The following PLEKHM2 variants were observed in gnomAD, a reference collection of about 807,000 sequenced individuals.
The protein encoded by PLEKHM2 is pleckstrin homology and RUN domain containing M2.
A neutral mutation model predicts 116.3 loss-of-function variants in PLEKHM2; 77 were observed. The observed-to-expected ratio is 0.66, with a 90% CI of 0.55 to 0.80. The LOEUF (loss-of-function observed/expected upper bound fraction) is 0.80. Ranked by LOEUF, PLEKHM2 falls within the 30% of genes least tolerant of loss-of-function variation. PLEKHM2 has a pLI of 0.00. For missense variants in PLEKHM2, 1,183 were observed against 1,354.9 expected (o/e 0.87, Z 1.99); for synonymous variants, 562 against 571.0 (o/e 0.98, Z 0.22).
At chr1:15,724,938 G>T (rs1240221164) in intron 7 of PLEKHM2, among the ~76,000 whole-genome samples, 3 of 152,096 alleles carry the variant, frequency 2.0e-5, no homozygotes, top group Non-Finnish European at 4.4e-5. Flanking sequence ...AACCTAAGAG[G>T]CGTGCAGCCT....
chr1:15,721,385 GA>G lies in PLEKHM2; in HGVS notation c.711del (p.Asp238MetfsTer18). ...GCCGTCTGTACCCAGCACAGACTGGGAAGGTGGGCCAGAGTCCGCTGTTACC... is the reference window on the plus strand; with the variant it reads ...GCCGTCTGTACCCAGCACAGACTGGGAGGTGGGCCAGAGTCCGCTGTTACC... ...AVPSVPSTDWEDGDLTDTVSG... is the reference protein window; with the variant it reads ...AVPSVPSTDWXDGDLTDTVSG... On this transcript the variant is annotated frameshift_variant and splice_region_variant, in exon 7 of 20. Coordinates refer to ENST00000375799, the MANE Select transcript of PLEKHM2 (RefSeq NM_015164.4). LOFTEE classifies it high-confidence loss of function. This position sits in a 1 kb window ranked among gnomAD's most constrained non-coding sequence, Gnocchi z 5.1. 6.4e-7 allele frequency: 1 copy of G among 1,563,338 alleles called. No homozygotes were observed.
intron 1 of PLEKHM2, among the ~76,000 whole-genome samples, chr1:15,706,339 T>TC (rs538749907): frequency 1.3e-5 from 2 of 152,032 alleles, no homozygotes; most frequent in African/African-American, 4.8e-5. Context: ...CGGAATACTT[T>TC]CCCCCCGGAT....
chr1:15,690,045 C>T (rs990675745), intron 1 of PLEKHM2, among the ~76,000 whole-genome samples: 11 of 150,778 alleles, frequency 7.3e-5, no homozygotes, highest in Non-Finnish European at 1.0e-4. Flanking sequence ...TGTGAGCCAC[C>T]GCACCCAGCC....
At chr1:15,731,337 G>A (rs2068140715) in intron 16 of PLEKHM2, 80 bp downstream of exon 16, 2 of 1,127,996 alleles carry the variant, frequency 1.8e-6, no homozygotes, top group South Asian at 2.6e-5. Flanking sequence ...GCCCCTGTTG[G>A]CAGTTCAGCC....
intron 3 of PLEKHM2, 71 bp from the exon 4 acceptor site, chr1:15,717,822 C>T (rs1000423741): frequency 9.3e-6 from 9 of 964,834 alleles, no homozygotes; most frequent in African/African-American, 1.6e-5. Context: ...TTCCTTTCTG[C>T]GCTTGCTTGG....
intron 1 of PLEKHM2, among the ~76,000 whole-genome samples, chr1:15,687,395 C>T (rs891556057): frequency 2.0e-5 from 3 of 151,518 alleles, no homozygotes; most frequent in Non-Finnish European, 4.4e-5. Flanking sequence ...AGGATGGTCT[C>T]GATCTCCTGA....
In PLEKHM2 at chr1:15,727,121, A is replaced by G. The variant is rs2068073063; in HGVS notation, c.1049A>G (p.Asp350Gly). ...CSQKKCAKQGDGDSRNGSPSL... is the reference protein window; with the variant it reads ...CSQKKCAKQGGGDSRNGSPSL... ...CAGAAGAAATGTGCCAAGCAGGGGG[A>G]CGGTGACAGCCGCAACGGCAGCCCA... is the stretch of plus-strand genomic sequence containing the variant. The change falls in exon 9 of 20, where the codon GAC (aspartate) becomes GGC (glycine). Residue 350 changes from aspartate to glycine, a missense_variant. By Grantham distance (94) the Asp-to-Gly change is moderately conservative. Coordinates refer to ENST00000375799, the MANE Select transcript of PLEKHM2 (RefSeq NM_015164.4). The surrounding 1 kb of genome is among the most constrained non-coding windows in gnomAD (Gnocchi z 7.5). The G allele has an allele frequency of 2.5e-6, 4 of 1,583,724 alleles. No homozygotes were observed. Among genetic ancestry groups the G allele is most frequent in the Non-Finnish European group, 3.4e-6 (4 of 1,164,108 alleles).
intron 1 of PLEKHM2, among the ~76,000 whole-genome samples, chr1:15,701,593 T>C (rs1641114512): frequency 6.6e-6 from 1 of 151,986 alleles, no homozygotes; most frequent in Admixed American, 6.6e-5. Flanking sequence ...ATCGTGACCA[T>C]CCTGGCTAAC....
chr1:15,689,245 C>CAAAAAAAAAAAA (rs34554449), intron 1 of PLEKHM2, among the ~76,000 whole-genome samples: 1 of 95,554 alleles, frequency 1.0e-5, no homozygotes, highest in African/African-American at 3.5e-5. Flanking sequence ...AACTCCGTCT[C>CAAAAAAAAAAAA]AAAAAAAAAA....
chr1:15,725,706 G>C (rs1403902806), intron 8 of PLEKHM2, 161 bp downstream of exon 8: 1 of 609,744 alleles, frequency 1.6e-6, no homozygotes, highest in African/African-American at 1.8e-5. Context: ...TTGAGCAAGA[G>C]GAAGTGGAGG....
intron 1 of PLEKHM2, among the ~76,000 whole-genome samples, chr1:15,687,891 A>G (rs1410945857): frequency 6.6e-6 from 1 of 152,166 alleles, no homozygotes; most frequent in African/African-American, 2.4e-5. Context: ...TCATTTTATA[A>G]GGATTTTACG....
chr1:15,731,934 G>T lies in PLEKHM2; in HGVS notation c.2511G>T (p.Arg837=). The change falls in exon 17 of 20, where the codon CGG becomes CGT. Residue 837 remains arginine, a synonymous_variant. Transcript: ENST00000375799. ...GCCGGAGAGCCAACACCACGGATCG[G>T]CCCCACGCCTTCCAGGTCATTCTCT... is the stretch of plus-strand genomic sequence containing the variant. ...GGCRRANTTD[R]PHAFQVILSD... is the part of the protein sequence containing the mutation. 1 of 1,611,550 alleles carries T rather than the reference G, an allele frequency of 6.2e-7. No homozygotes were observed. Among genetic ancestry groups the T allele is most frequent in the Non-Finnish European group, 8.5e-7 (1 of 1,179,362 alleles).
chr1:15,681,572 T>C (rs536087286), upstream of PLEKHM2: 2 of 478,876 alleles, frequency 4.2e-6, no homozygotes, highest in African/African-American at 2.0e-5. Context: ...CCAAAGCTTG[T>C]TGGGTCAGTT....
In PLEKHM2 at chr1:15,717,938, G is replaced by A. The variant is rs1202823330; in HGVS notation, c.323G>A (p.Ser108Asn). 4 of 1,601,000 alleles carry A rather than the reference G, an allele frequency of 2.5e-6. No homozygotes were observed. Among genetic ancestry groups the A allele is most frequent in the East Asian group, 4.5e-5 (2 of 44,350 alleles). The change falls in exon 4 of 20, where the codon AGC becomes AAC. Residue 108 changes from serine to asparagine, a missense_variant. This residue lies in a region of PLEKHM2 where 217 missense variants were observed against 277.6 expected (regional missense o/e 0.78). Coordinates refer to ENST00000375799, the MANE Select transcript of PLEKHM2 (RefSeq NM_015164.4). ...YLALNENSLE[S>N]YLRLFQENLG... ...GCCCTCAACGAGAACTCCTTGGAGAGCTACCTGCGGTTGTTCCAGGAGAAC... is the reference window on the plus strand; with the variant it reads ...GCCCTCAACGAGAACTCCTTGGAGAACTACCTGCGGTTGTTCCAGGAGAAC...
intron 1 of PLEKHM2, 82 bp downstream of exon 1, chr1:15,684,700 G>GGACTCGGGC: frequency 5.4e-6 from 4 of 734,546 alleles, no homozygotes; most frequent in Non-Finnish European, 7.3e-6. Flanking sequence ...CCGGGCCGGG[G>GGACTCGGGC]CCCCCCGCCC....
At position 15,734,680 on chromosome 1, in the gene PLEKHM2, C is replaced by A. The variant is rs1231355052; in HGVS notation, c.*746C>A. 6.6e-6 allele frequency: 1 copy of A among 152,156 alleles called. No homozygotes were observed. Among genetic ancestry groups the A allele is most frequent in the East Asian group, 1.9e-4 (1 of 5,184 alleles). The allele number at this position is 152,156 out of a possible 1,614,324, so 9.4% of individuals were successfully genotyped here. Reference sequence around the variant, plus strand: ...CCTGCTTGGCTGGAGCCAGGCCCTTCCCTAGAGTTTCGTCAAGAGCCTCCT... The same window carrying A: ...CCTGCTTGGCTGGAGCCAGGCCCTTACCTAGAGTTTCGTCAAGAGCCTCCT... On this transcript the variant is annotated 3_prime_UTR_variant, in exon 20 of 20. Coordinates refer to ENST00000375799, the MANE Select transcript of PLEKHM2 (RefSeq NM_015164.4).
At chr1:15,690,133 C>G (rs1230748057) in intron 1 of PLEKHM2, among the ~76,000 whole-genome samples, 1 of 151,312 alleles carries the variant, frequency 6.6e-6, no homozygotes, top group Non-Finnish European at 1.5e-5. Flanking sequence ...GTGGCATGAT[C>G]TTGGTTCACT....
Position 15,732,685 on chromosome 1 carries a change from G to A in PLEKHM2, c.2879G>A (p.Arg960Gln), listed in dbSNP as rs1477758295. 5 of 1,610,530 alleles carry A rather than the reference G, an allele frequency of 3.1e-6. No individual in the cohort carries two copies. The highest frequency in any genetic ancestry group is 1.7e-4 in the Middle Eastern group (1 of 6,056). The change falls in exon 19 of 20, where the codon CGA (arginine) becomes CAA (glutamine). Residue 960 changes from arginine to glutamine, a missense_variant. Physicochemically the swap from Arg to Gln is conservative, Grantham distance 43. Around this residue, in one of 3 missense-constraint regions of PLEKHM2, gnomAD observed 594 missense variants for 720.1 expected, o/e 0.82. Coordinates refer to ENST00000375799, the MANE Select transcript of PLEKHM2 (RefSeq NM_015164.4). ...IYLSCTSELD[R>Q]LLSALNSGWK... ...CTGAGCTGCACTTCTGAACTGGACC[G>A]ATTGCTGTCTGCACTGAACTCTGGG... is the stretch of plus-strand genomic sequence containing the variant.
At chr1:15,702,053 T>C (rs1445872738) in intron 1 of PLEKHM2, among the ~76,000 whole-genome samples, 4 of 152,040 alleles carry the variant, frequency 2.6e-5, no homozygotes, top group Admixed American at 6.5e-5. Context: ...CGCCCAAAGG[T>C]AAATGACAGC....
Sources: allele counts gnomAD v4.1 joint callset (sites outside exome capture counted in the v4.1 genomes callset), GRCh38; gene constraint gnomAD v4.1.1; regional missense constraint gnomAD v4.1.1; non-coding constraint Gnocchi (gnomAD v3.1); transcripts MANE v1.5; gene names NCBI Gene and HGNC (gene_info 2026-07-23, HGNC 2026-07-21).